The following TRIM61 variants were observed in gnomAD, a reference collection of about 807,000 sequenced individuals.
TRIM61 encodes the protein tripartite motif containing 61.
In TRIM61, 1 loss-of-function variant was observed where a neutral mutation model predicts 14.2. The ratio of observed to expected loss-of-function variants is 0.07; its 90% confidence interval spans 0.03 to 0.33. TRIM61 has a LOEUF of 0.33. Among genes scored for constraint, TRIM61 ranks in the 10% least tolerant of loss-of-function variants. The pLI, the probability that TRIM61 is intolerant of heterozygous loss-of-function variation, is 0.99. For missense variants in TRIM61, 19 were observed against 202.2 expected (o/e 0.09, Z 5.49); for synonymous variants, 8 against 71.6 (o/e 0.11, Z 4.49).
At chr4:164,965,372 C>A (rs1169306397) in intron 3 of TRIM61, among the ~76,000 whole-genome samples, 1 of 151,814 alleles carries the variant, frequency 6.6e-6, no homozygotes, top group Non-Finnish European at 1.5e-5. Flanking sequence ...CGCCAGCTGA[C>A]CTTGGGTGCG....
chr4:164,975,298 A>C (rs74559495), intron 2 of TRIM61, among the ~76,000 whole-genome samples: 2,903 of 152,232 alleles, frequency 0.019, 96 homozygotes, highest in African/African-American at 0.064. Context: ...ATTGCAAAAA[A>C]TGGTAAAATC....
At chr4:164,975,345 A>G (rs1428755699) in intron 2 of TRIM61, among the ~76,000 whole-genome samples, 1 of 152,226 alleles carries the variant, frequency 6.6e-6, no homozygotes, top group African/African-American at 2.4e-5. Flanking sequence ...ACATATACAA[A>G]AAAGGACTCT....
chr4:164,967,090 A>C (rs574440831), intron 3 of TRIM61, among the ~76,000 whole-genome samples: 7 of 152,228 alleles, frequency 4.6e-5, no homozygotes, highest in Non-Finnish European at 1.0e-4. Flanking sequence ...AATAAGATTA[A>C]TATTCAAAAA....
In TRIM61 at chr4:164,976,739, C is replaced by T. The variant is rs1166894826; in HGVS notation, c.-389G>A. ...TGGTAAAAGATTGCCTGGGCCACAT[C>T]CCCAGTTTCTGACTCAGTAGGGCTG... On this transcript the variant is annotated 5_prime_UTR_variant, in exon 2 of 5. Transcript: ENST00000329314. The T allele has an allele frequency of 2.6e-5, 4 of 152,222 alleles. No individual in the cohort carries two copies. Among genetic ancestry groups the T allele is most frequent in the African/African-American group, 9.6e-5 (4 of 41,462 alleles). 9.4% of individuals were successfully genotyped at this position (152,222 alleles called of 1,614,324 possible). A position where few individuals can be genotyped will look rare whatever the true frequency, so the allele number is the denominator to read the frequency against.
chr4:164,967,323 TC>T (rs1732264427), intron 3 of TRIM61, among the ~76,000 whole-genome samples: 1 of 152,140 alleles, frequency 6.6e-6, no homozygotes, highest in South Asian at 2.1e-4. Context: ...TACAACATAA[TC>T]CCATCAAAAG....
Position 164,976,339 on chromosome 4 carries a change from G to A in TRIM61, c.-338+349C>T, listed in dbSNP as rs1045157453. Among the ~76,000 whole-genome samples the A allele has an allele frequency of 3.3e-5, 5 of 151,990 alleles. No homozygotes were observed. The South Asian group carries it at 1.0e-3, about 32-fold the overall frequency. On this transcript the variant is annotated intron_variant, in intron 2 of 4. Coordinates refer to ENST00000329314, the MANE Select transcript of TRIM61 (RefSeq NM_001012414.3). ...CTTTTCTCAGTCTCTCGTCCCACCC[G>A]ACTAGAAATACCCACAGGTGTGGAG...
chr4:164,966,068 C>A (rs1732232974), intron 3 of TRIM61, among the ~76,000 whole-genome samples: 2 of 152,140 alleles, frequency 1.3e-5, no homozygotes, highest in African/African-American at 4.8e-5. Flanking sequence ...AACAAATGTG[C>A]CTGTGTTGCA....
intron 2 of TRIM61, among the ~76,000 whole-genome samples, chr4:164,972,298 TATAAGA>T (rs1732386179): frequency 6.6e-6 from 1 of 152,242 alleles, no homozygotes; most frequent in Non-Finnish European, 1.5e-5. Context: ...CTCTTTTTCT[TATAAGA>T]ATATCATGTA....
At chr4:164,968,118 A>C (rs139126598) in intron 3 of TRIM61, 163 bp downstream of exon 3, 1 of 969,192 alleles carries the variant, frequency 1.0e-6, no homozygotes. Flanking sequence ...TGGCCATTGC[A>C]CTCCAGCCTG....
intron 3 of TRIM61, chr4:164,957,378 G>T: frequency 1.2e-6 from 2 of 1,614,012 alleles, no homozygotes; most frequent in Admixed American, 1.7e-5. Flanking sequence ...AAGTCAGAAG[G>T]ACCACCAGGA....
intron 3 of TRIM61, among the ~76,000 whole-genome samples, chr4:164,961,703 G>A (rs747220773): frequency 6.6e-6 from 1 of 151,466 alleles, no homozygotes; most frequent in African/African-American, 2.4e-5. Flanking sequence ...CCCAAAACAA[G>A]AAAAATGATA....
intron 3 of TRIM61, among the ~76,000 whole-genome samples, chr4:164,961,283 G>T (rs191289010): frequency 6.7e-6 from 1 of 149,344 alleles, no homozygotes; most frequent in Non-Finnish European, 1.5e-5. Flanking sequence ...TTATCAGAGA[G>T]TTGGAAACTA....
intron 3 of TRIM61, chr4:164,957,514 A>G (rs746629759): frequency 2.0e-5 from 32 of 1,588,186 alleles, no homozygotes; most frequent in Non-Finnish European, 2.2e-5. Context: ...TGCCTCAAGG[A>G]AGAAGCTCAC....
Position 164,968,562 on chromosome 4 carries a change from G to A in TRIM61, c.525+916C>T, listed in dbSNP as rs185811616. On this transcript the variant is annotated intron_variant, in intron 3 of 4. Coordinates refer to ENST00000329314, the MANE Select transcript of TRIM61 (RefSeq NM_001012414.3). ...ACTGGCTCAGTTATGTCTACTAGGT[G>A]AAAGAAACTGAGTCTTCTAATAATT... 139 of 984,658 alleles carry A rather than the reference G, an allele frequency of 1.4e-4. No individual in the cohort carries two copies. In the East Asian group the frequency reaches 0.012, roughly 84 times the overall value. The allele number at this position is 984,658 out of a possible 1,614,324, so 61.0% of individuals were successfully genotyped here. A position where few individuals can be genotyped will look rare whatever the true frequency, so the allele number is the denominator to read the frequency against.
At chr4:164,973,813 T>C (rs1333655075) in intron 2 of TRIM61, among the ~76,000 whole-genome samples, 2 of 152,230 alleles carry the variant, frequency 1.3e-5, no homozygotes, top group Admixed American at 1.3e-4. Flanking sequence ...TTATAGCATA[T>C]TATAGTTGAT....
At chr4:164,964,501 T>C (rs1292204684) in intron 3 of TRIM61, among the ~76,000 whole-genome samples, 1 of 152,188 alleles carries the variant, frequency 6.6e-6, no homozygotes, top group Non-Finnish European at 1.5e-5. Context: ...CAAAGCTGAT[T>C]CTTTGAAAAG....
intron 3 of TRIM61, among the ~76,000 whole-genome samples, chr4:164,961,060 A>G (rs750382295): frequency 2.0e-5 from 3 of 151,334 alleles, no homozygotes; most frequent in Non-Finnish European, 4.4e-5. Flanking sequence ...TAAGGCACAC[A>G]AAAAGACAAT....
At chr4:164,970,990 G>C (rs970102500) in intron 2 of TRIM61, among the ~76,000 whole-genome samples, 1 of 151,998 alleles carries the variant, frequency 6.6e-6, no homozygotes, top group African/African-American at 2.4e-5. Context: ...AATCCCAGCT[G>C]CTTGGGAGGC....
At chr4:164,964,878 G>C (rs989898521) in intron 3 of TRIM61, among the ~76,000 whole-genome samples, 2 of 152,092 alleles carry the variant, frequency 1.3e-5, no homozygotes. Context: ...ATAGATCCTC[G>C]AATATATCAG....
Sources: allele counts gnomAD v4.1 joint callset (sites outside exome capture counted in the v4.1 genomes callset), GRCh38; gene constraint gnomAD v4.1.1; transcripts MANE v1.5; gene names NCBI Gene and HGNC (gene_info 2026-07-23, HGNC 2026-07-21).